The following CUX2 variants were observed in gnomAD, a reference collection of about 807,000 sequenced individuals.
CUX2 encodes the protein cut like homeobox 2.
A neutral mutation model predicts 144.8 loss-of-function variants in CUX2; 40 were observed. The ratio of observed to expected loss-of-function variants is 0.28; its 90% CI spans 0.21 to 0.36. CUX2 has a LOEUF of 0.36. CUX2 is among the 10% of genes least tolerant of loss of function. CUX2 has a pLI of 1.00. For synonymous variants in CUX2, 827 were observed against 875.6 expected, an observed-to-expected ratio of 0.94 and a Z score of 0.98; for missense variants, 1,615 against 1,994.0, an observed-to-expected ratio of 0.81 and a Z score of 3.62.
chr12:111,038,001 C>T (rs1014464893), intron 1 of CUX2, among the ~76,000 whole-genome samples: 1 of 152,106 alleles, frequency 6.6e-6, no homozygotes, highest in Non-Finnish European at 1.5e-5. Context: ...CGGGTGTCAG[C>T]AGTTGGGAGA....
At chr12:111,206,059 G>A (rs1481814391) in intron 1 of CUX2, among the ~76,000 whole-genome samples, 1 of 152,244 alleles carries the variant, frequency 6.6e-6, no homozygotes, top group African/African-American at 2.4e-5. Context: ...ACCAGGACAA[G>A]TGTAGTTGGT....
At chr12:111,321,430 C>T (rs1445471827) in intron 17 of CUX2, among the ~76,000 whole-genome samples, 1 of 151,834 alleles carries the variant, frequency 6.6e-6, no homozygotes, top group Non-Finnish European at 1.5e-5. Flanking sequence ...GATCTCGCTA[C>T]TGTGCTCCAG....
rs145744067 is a variant in CUX2, at chr12:111,291,555, AC to A, written c.436+4del. On this transcript the variant is annotated splice_donor_region_variant and intron_variant, in intron 5 of 21. Transcript: ENST00000261726. ...CCCCGAGCTCCTCAGCCCCAAAGGT[AC>A]TGATAAGGCCTTCTCGGAGCGTCTA... 1.0e-3 allele frequency: 1,640 copies of A among 1,604,228 alleles called. 10 individuals are homozygous for A. The African/African-American group carries it at 0.017, about 17-fold the overall frequency.
In CUX2 at chr12:111,276,287, G is replaced by A. The variant is rs1003894972; in HGVS notation, c.301+12448G>A. Among the ~76,000 whole-genome samples, 11 of 152,278 alleles carry A rather than the reference G, an allele frequency of 7.2e-5. 1 individual carries two copies. Among genetic ancestry groups the A allele is most frequent in the South Asian group, 2.1e-4 (1 of 4,822 alleles). On this transcript the variant is annotated intron_variant, in intron 4 of 21. Coordinates refer to ENST00000261726, the MANE Select transcript of CUX2 (RefSeq NM_015267.4). ...GAGGATCACATGAGCCCAAGGGGTC[G>A]AGGCTGCAGTGAGCTGCCAGGATTG...
chr12:111,301,631 A>G (rs888470723), intron 9 of CUX2, among the ~76,000 whole-genome samples: 3 of 152,088 alleles, frequency 2.0e-5, no homozygotes, highest in East Asian at 3.8e-4. Flanking sequence ...GATCCTCCCA[A>G]GTAGCAAGGA....
In CUX2 at chr12:111,093,494, GA is replaced by G. The variant is rs112495995; in HGVS notation, c.63+59265del. Among the ~76,000 whole-genome samples, 1,078 of 144,290 alleles carry G rather than the reference GA, an allele frequency of 7.5e-3. 16 individuals carry two copies. Among genetic ancestry groups the G allele is most frequent in the African/African-American group, 0.024 (962 of 39,516 alleles). 94.7% of individuals were successfully genotyped at this position (144,290 alleles called of 152,430 possible). A position where few individuals can be genotyped will look rare whatever the true frequency, so the allele number is the denominator to read the frequency against. ...CTCGTCTGCCACTTCTAAAAGTAGT[GA>G]AAAAAAAAAACCCACTTTGAGAAAG... On this transcript the variant is annotated intron_variant, in intron 1 of 21. Transcript: ENST00000261726.
chr12:111,112,982 A>G (rs1432631261), intron 1 of CUX2, among the ~76,000 whole-genome samples: 5 of 152,184 alleles, frequency 3.3e-5, no homozygotes, highest in Non-Finnish European at 5.9e-5. Context: ...GAGGATAGAC[A>G]TATTTGGAGG....
At chr12:111,339,419 C>G (rs1888491094) in intron 20 of CUX2, 1 of 152,208 alleles carries the variant, frequency 6.6e-6, no homozygotes, top group Non-Finnish European at 1.5e-5. Flanking sequence ...TACCCAGATT[C>G]TACATAACAA....
chr12:111,185,929 C>G (rs113022527), intron 1 of CUX2, among the ~76,000 whole-genome samples: 2 of 152,058 alleles, frequency 1.3e-5, no homozygotes, highest in African/African-American at 4.8e-5. Context: ...ATCCCTCCCT[C>G]CCTGTCTTTC....
intron 1 of CUX2, among the ~76,000 whole-genome samples, chr12:111,169,943 G>A (rs898072358): frequency 3.9e-5 from 6 of 152,110 alleles, no homozygotes; most frequent in South Asian, 2.1e-4. Context: ...CAGGGAGCCC[G>A]CTAGAGATTG....
rs943603565 is a variant in CUX2 at position 111,037,163 on chromosome 12, T to C, written c.63+2923T>C. Among the ~76,000 whole-genome samples the C allele has an allele frequency of 1.3e-5, 2 of 151,744 alleles. No homozygotes were observed. Among genetic ancestry groups the C allele is most frequent in the African/African-American group, 4.8e-5 (2 of 41,264 alleles). On this transcript the variant is annotated intron_variant, in intron 1 of 21. Coordinates refer to ENST00000261726, the MANE Select transcript of CUX2 (RefSeq NM_015267.4). The surrounding 1 kb of genome is among the most constrained non-coding windows in gnomAD (Gnocchi z 5.4). The stretch of plus-strand genomic sequence containing the variant: ...GCCCCAGGCAGCCGGAGAGCCGGGG[T>C]CCCGCGTCCCGAGGCTGAGCTGCCT...
intron 1 of CUX2, among the ~76,000 whole-genome samples, chr12:111,195,212 C>T (rs1880165571): frequency 6.6e-6 from 1 of 152,178 alleles, no homozygotes; most frequent in African/African-American, 2.4e-5. Context: ...CCCTCCCTCC[C>T]TTTCCTGCCC....
chr12:111,226,191 G>A (rs1318816656), intron 3 of CUX2, among the ~76,000 whole-genome samples: 4 of 152,186 alleles, frequency 2.6e-5, no homozygotes, highest in African/African-American at 7.2e-5. Context: ...TGATCCTCCT[G>A]CCTCGGCCTC....
chr12:111,299,155 C>CA (rs1007224197), intron 9 of CUX2, among the ~76,000 whole-genome samples: 29 of 152,354 alleles, frequency 1.9e-4, no homozygotes, highest in African/African-American at 6.5e-4. Context: ...CAGGAGAGGC[C>CA]AGCAGGGCCT....
In CUX2 at chr12:111,132,557, CTTTTTTTTTTT is replaced by C. The variant is rs1182564665; in HGVS notation, c.64-81626_64-81616del. Among the ~76,000 whole-genome samples the C allele has an allele frequency of 1.7e-3, 163 of 97,160 alleles. 1 individual carries two copies. The highest frequency in any genetic ancestry group is 7.1e-3 in the African/African-American group (144 of 20,334). The allele number at this position is 97,160 out of a possible 152,430, so 63.7% of individuals were successfully genotyped here. A position where few individuals can be genotyped will look rare whatever the true frequency, so the allele number is the denominator to read the frequency against. On this transcript the variant is annotated intron_variant, in intron 1 of 21. Coordinates refer to ENST00000261726, the MANE Select transcript of CUX2 (RefSeq NM_015267.4). ...TTTCTGAATTTTTATGCTCTGTTTC[CTTTTTTTTTTT>C]TTTTTTTTTTTTTTTTGAGACAGAG...
At chr12:111,056,869 G>T (rs575004766) in intron 1 of CUX2, among the ~76,000 whole-genome samples, 2 of 152,206 alleles carry the variant, frequency 1.3e-5, no homozygotes, top group African/African-American at 2.4e-5. Flanking sequence ...GAGCCAGTGC[G>T]GCAGGAAGTG....
chr12:111,231,781 T>C (rs1258692938), intron 3 of CUX2, among the ~76,000 whole-genome samples: 1 of 152,176 alleles, frequency 6.6e-6, no homozygotes, highest in African/African-American at 2.4e-5. Flanking sequence ...TACATTTTAT[T>C]AGGAATCATA....
At position 111,287,587 on chromosome 12, in the gene CUX2, G is replaced by A. The variant is rs200021432; in HGVS notation, c.302-3831G>A. Among the ~76,000 whole-genome samples, 252 of 152,356 alleles carry A rather than the reference G, an allele frequency of 1.7e-3. 1 individual carries two copies. The highest frequency in any genetic ancestry group is 3.6e-3 in the African/African-American group (148 of 41,586). On this transcript the variant is annotated intron_variant, in intron 4 of 21. Transcript: ENST00000261726. The surrounding 1 kb of genome is among the most constrained non-coding windows in gnomAD (Gnocchi z 4.2). ...AATTTTTAGCTGGCCTGCCTAATGC[G>A]CTTGCTGGGTTAATTATGTCAATGT...
intron 1 of CUX2, among the ~76,000 whole-genome samples, chr12:111,043,854 A>G (rs933329595): frequency 9.2e-5 from 14 of 152,164 alleles, no homozygotes; most frequent in Non-Finnish European, 1.6e-4. Context: ...ACGAGACAGA[A>G]ATGGTAGTAG....
Sources: gnomAD v4.1 joint callset for allele counts (sites outside exome capture counted in the v4.1 genomes callset) on GRCh38, gnomAD v4.1.1 for gene constraint, Gnocchi (gnomAD v3.1) non-coding constraint, MANE v1.5 for transcripts, NCBI Gene and HGNC (gene_info 2026-07-23, HGNC 2026-07-21) for gene names.